The following TNFRSF12A variants were observed in gnomAD, a reference collection of about 807,000 sequenced individuals.
TNFRSF12A encodes the protein TNF receptor superfamily member 12A.
Under a neutral mutation model 15.5 loss-of-function variants are expected in TNFRSF12A, and 13 were observed. The ratio of observed to expected loss-of-function variants is 0.84; its 90% confidence interval spans 0.54 to 1.33. TNFRSF12A has a LOEUF of 1.33. Ranked by LOEUF, TNFRSF12A falls within the 40% of genes most tolerant of loss-of-function variation. TNFRSF12A has a pLI of 0.00. For synonymous variants in TNFRSF12A, 89 were observed against 78.4 expected (o/e 1.14, Z -0.71); for missense variants, 174 against 173.6 (o/e 1.00, Z -0.01).
chr16:3,022,247 AG>A lies in TNFRSF12A; in HGVS notation c.*426del, dbSNP rs2072621817. On this transcript the variant is annotated 3_prime_UTR_variant, in exon 4 of 4. Coordinates refer to ENST00000326577, the MANE Select transcript of TNFRSF12A (RefSeq NM_016639.3). Reference sequence around the variant, plus strand: ...GGGTTAGGGACCTATTTTTAACACTAGGGGGCTGGCCCACTAGGAGGGCTGG... The same window carrying A: ...GGGTTAGGGACCTATTTTTAACACTAGGGGCTGGCCCACTAGGAGGGCTGG... 3 of 330,378 alleles carry A rather than the reference AG, an allele frequency of 9.1e-6. No homozygotes were observed. Among genetic ancestry groups the A allele is most frequent in the East Asian group, 9.4e-5 (2 of 21,306 alleles). The allele number at this position is 330,378 out of a possible 1,614,324, so 20.5% of individuals were successfully genotyped here. A position where few individuals can be genotyped will look rare whatever the true frequency, so the allele number is the denominator to read the frequency against.
chr16:3,021,522 G>T, intron 2 of TNFRSF12A, 33 bp from the exon 3 acceptor site: 1 of 1,559,324 alleles, frequency 6.4e-7, no homozygotes, highest in Non-Finnish European at 8.7e-7. Flanking sequence ...GGCCTGGAGA[G>T]GGGCGAGGTC....
rs1328229761 is a variant in TNFRSF12A, at chr16:3,021,669, G to A, written c.314G>A (p.Arg105His). The A allele has an allele frequency of 6.2e-7, 1 of 1,613,586 alleles. No homozygotes were observed. The highest frequency in any genetic ancestry group is 8.5e-7 in the Non-Finnish European group (1 of 1,179,946). Reference sequence around the variant, plus strand: ...GGCTTTTTGGTCTGGAGACGATGCCGCAGGAGAGAGAAGTTCACCAGTAAG... The same window carrying A: ...GGCTTTTTGGTCTGGAGACGATGCCACAGGAGAGAGAAGTTCACCAGTAAG... ...LSGFLVWRRC[R>H]RREKFTTPIE... Residue 105 changes from arginine (R) to histidine (H), a missense_variant, in exon 3 of 4, where the codon CGC becomes CAC. Physicochemically the swap from Arg to His is conservative, Grantham distance 29 (BLOSUM62 0). Transcript: ENST00000326577.
At position 3,021,577 on chromosome 16, in the gene TNFRSF12A, C is replaced by G; in HGVS notation, c.222C>G (p.Pro74=). 1.2e-6 allele frequency: 2 copies of G among 1,612,006 alleles called. No homozygotes were observed. The highest frequency in any genetic ancestry group is 1.7e-6 in the Non-Finnish European group (2 of 1,179,316). ...CLGCAAAPPA[P]FRLLWPILGG... is the part of the protein sequence containing the mutation. The stretch of plus-strand genomic sequence containing the variant: ...CAGGCGCTGCAGCACCTCCTGCCCC[C>G]TTCCGGCTGCTTTGGCCCATCCTTG... The change falls in exon 3 of 4, where the codon CCC becomes CCG. Residue 74 remains proline (P), a synonymous_variant. Coordinates refer to ENST00000326577, the MANE Select transcript of TNFRSF12A (RefSeq NM_016639.3).
Position 3,021,235 on chromosome 16 carries a change from G to C in TNFRSF12A, c.115G>C (p.Gly39Arg), listed in dbSNP as rs1226535679. Reference protein sequence around the residue: ...QAPGTAPCSRGSSWSADLDKC... With the variant: ...QAPGTAPCSRRSSWSADLDKC... ...CCCAGGCACCGCCCCCTGCTCCCGC[G>C]GCAGCTCCTGGAGCGCGGACCTGGA... is the stretch of plus-strand genomic sequence containing the variant. Residue 39 changes from glycine (G) to arginine (R), a missense_variant, in exon 2 of 4, where the codon GGC becomes CGC. Physicochemically the swap from Gly to Arg is moderately radical, Grantham distance 125 (BLOSUM62 -2). Transcript: ENST00000326577. 1 of 1,582,148 alleles carries C rather than the reference G, an allele frequency of 6.3e-7. No homozygotes were observed. The highest frequency in any genetic ancestry group is 8.5e-7 in the Non-Finnish European group (1 of 1,170,758).
At chr16:3,020,725 C>T (rs1012699343) in intron 1 of TNFRSF12A, 30 of 399,876 alleles carry the variant, frequency 7.5e-5, no homozygotes, top group African/African-American at 4.9e-4. Flanking sequence ...GTCTTCAGTT[C>T]CACAAGTCCG....
At chr16:3,020,813 C>T in intron 1 of TNFRSF12A, 2 of 400,958 alleles carry the variant, frequency 5.0e-6, no homozygotes, top group East Asian at 7.1e-5. Flanking sequence ...CAGCCTGGTC[C>T]GTACAGGGTC....
chr16:3,020,726 C>G (rs1352771603), intron 1 of TNFRSF12A: 2 of 399,594 alleles, frequency 5.0e-6, no homozygotes, highest in Non-Finnish European at 8.8e-6. Context: ...TCTTCAGTTC[C>G]ACAAGTCCGA....
Position 3,021,879 on chromosome 16 carries a change from T to C in TNFRSF12A, c.*53T>C. The C allele has an allele frequency of 6.3e-7, 1 of 1,586,428 alleles. No homozygotes were observed. Among genetic ancestry groups the C allele is most frequent in the Non-Finnish European group, 8.6e-7 (1 of 1,166,804 alleles). On this transcript the variant is annotated 3_prime_UTR_variant, in exon 4 of 4. Coordinates refer to ENST00000326577, the MANE Select transcript of TNFRSF12A (RefSeq NM_016639.3). ...GCCCACTCATCATTCATTCATCCAT[T>C]CTAGAGCCAGTCTCTGCCTCCCAGA...
chr16:3,021,730 C>T, intron 3 of TNFRSF12A, 41 bp downstream of exon 3: 1 of 1,611,180 alleles, frequency 6.2e-7, no homozygotes, highest in East Asian at 2.2e-5. Context: ...CAGCACTCGA[C>T]CTTTTCTCTG....
At position 3,021,648 on chromosome 16, in the gene TNFRSF12A, T is replaced by C. The variant is rs773046592; in HGVS notation, c.293T>C (p.Phe98Ser). The C allele has an allele frequency of 3.7e-6, 6 of 1,613,766 alleles. No individual in the cohort carries two copies. ...LTFVLGLLSG[F>S]LVWRRCRRRE... ...TTCGTGCTGGGGCTGCTTTCTGGCT[T>C]TTTGGTCTGGAGACGATGCCGCAGG... The change falls in exon 3 of 4, where the codon TTT (phenylalanine) becomes TCT (serine). Residue 98 changes from phenylalanine to serine, a missense_variant. Phe to Ser is a radical substitution (Grantham distance 155). Transcript: ENST00000326577.
At chr16:3,021,368 A>G in intron 2 of TNFRSF12A, 49 bp downstream of exon 2, 1 of 1,482,930 alleles carries the variant, frequency 6.7e-7, no homozygotes, top group Non-Finnish European at 9.0e-7. Flanking sequence ...ACTGGGAGGG[A>G]GGGTGGCTGG....
rs1388369005 is a variant in TNFRSF12A, at chr16:3,021,275, G to A, written c.155G>A (p.Cys52Tyr). 6.3e-7 allele frequency: 1 copy of A among 1,591,486 alleles called. No homozygotes were observed. Among genetic ancestry groups the A allele is most frequent in the Non-Finnish European group, 8.5e-7 (1 of 1,174,122 alleles). ...WSADLDKCMD[C>Y]ASCRARPHSD... The stretch of plus-strand genomic sequence containing the variant: ...GCGGACCTGGACAAGTGCATGGACT[G>A]CGCGTCTTGCAGGGCGCGACCGCAC... Residue 52 changes from cysteine to tyrosine, a missense_variant, in exon 2 of 4, where the codon TGC (cysteine) becomes TAC (tyrosine). Transcript: ENST00000326577.
At chr16:3,021,419 T>A (rs2232798) in intron 2 of TNFRSF12A, 100 bp downstream of exon 2, 803,325 of 1,410,234 alleles carry the variant, frequency 0.57, 231,078 homozygotes, top group Admixed American at 0.59. Context: ...TGGGAAATCA[T>A]TCGGGAGGAG....
rs138754924 is a variant in TNFRSF12A, at chr16:3,021,595, C to T, written c.240C>T (p.Pro80=). 3.8e-5 allele frequency: 62 copies of T among 1,613,210 alleles called. No individual in the cohort carries two copies. In the East Asian group the frequency reaches 1.3e-3, roughly 35 times the overall value. Residue 80 remains proline, a synonymous_variant, in exon 3 of 4, where the codon CCC becomes CCT. Transcript: ENST00000326577. ...APPAPFRLLW[P]ILGGALSLTF... is the part of the protein sequence containing the mutation. The stretch of plus-strand genomic sequence containing the variant: ...CTGCCCCCTTCCGGCTGCTTTGGCC[C>T]ATCCTTGGGGGCGCTCTGAGCCTGA...
At position 3,021,197 on chromosome 16, in the gene TNFRSF12A, C is replaced by A; in HGVS notation, c.95-18C>A. ...CCGAGTCCCGCCCCCAGCCTCTGAC[C>A]CGAGGCCCCCTCCCCAGGCACCGCC... On this transcript the variant is annotated intron_variant, in intron 1 of 3. Transcript: ENST00000326577. The A allele has an allele frequency of 1.4e-6, 2 of 1,453,792 alleles. No homozygotes were observed. Among genetic ancestry groups the A allele is most frequent in the Non-Finnish European group, 1.9e-6 (2 of 1,073,068 alleles). 90.1% of individuals were successfully genotyped at this position (1,453,792 alleles called of 1,614,324 possible). A position where few individuals can be genotyped will look rare whatever the true frequency, so the allele number is the denominator to read the frequency against.
At chr16:3,021,480 A>C in intron 2 of TNFRSF12A, 75 bp from the exon 3 acceptor site, 1 of 1,464,372 alleles carries the variant, frequency 6.8e-7, no homozygotes, top group Non-Finnish European at 9.0e-7. Context: ...GTTTGGGAGA[A>C]GGCAGAAGGC....
At chr16:3,021,017 C>A (rs1169016020) in intron 1 of TNFRSF12A, 198 bp from the exon 2 acceptor site, 7 of 479,488 alleles carry the variant, frequency 1.5e-5, no homozygotes, top group East Asian at 3.5e-5. Context: ...GGGGACCTGA[C>A]CCCCCCCACC....
At position 3,020,469 on chromosome 16, in the gene TNFRSF12A, C is replaced by T; in HGVS notation, c.72C>T (p.Ser24=). The change falls in exon 1 of 4, where the codon TCC becomes TCT. Residue 24 remains serine (S), a synonymous_variant. Coordinates refer to ENST00000326577, the MANE Select transcript of TNFRSF12A (RefSeq NM_016639.3). Reference sequence around the variant, plus strand: ...GGCTCTGGCTGGCGTTGCTGCGCTCCGTGGCCGGGGAGCAAGCGCCAGGTA... The same window carrying T: ...GGCTCTGGCTGGCGTTGCTGCGCTCTGTGGCCGGGGAGCAAGCGCCAGGTA... ...VLGLWLALLR[S]VAGEQAPGTA... 1 of 1,294,850 alleles carries T rather than the reference C, an allele frequency of 7.7e-7. No homozygotes were observed. The highest frequency in any genetic ancestry group is 9.8e-7 in the Non-Finnish European group (1 of 1,020,214). 80.2% of individuals were successfully genotyped at this position (1,294,850 alleles called of 1,614,324 possible). A position where few individuals can be genotyped will look rare whatever the true frequency, so the allele number is the denominator to read the frequency against.
chr16:3,021,822 A>G lies in TNFRSF12A; in HGVS notation c.386A>G (p.Gln129Arg). The G allele has an allele frequency of 6.2e-7, 1 of 1,612,850 alleles. No homozygotes were observed. The highest frequency in any genetic ancestry group is 8.5e-7 in the Non-Finnish European group (1 of 1,179,694). The part of the protein sequence containing the change: ...GEGCPAVALI[Q>R] ...GGCTGCCCAGCTGTGGCGCTGATCC[A>G]GTGACAATGTGCCCCCTGCCAGCCG... The change falls in exon 4 of 4, where the codon CAG becomes CGG. Residue 129 changes from glutamine (Q) to arginine (R), a missense_variant. By Grantham distance (43) the Gln-to-Arg change is conservative. Coordinates refer to ENST00000326577, the MANE Select transcript of TNFRSF12A (RefSeq NM_016639.3).
Sources: allele counts gnomAD v4.1 joint callset, GRCh38; gene constraint gnomAD v4.1.1; transcripts MANE v1.5; gene names NCBI Gene and HGNC (gene_info 2026-07-23, HGNC 2026-07-21).